Variants in KIAA1549L observed in about 807,000 individuals in gnomAD.
KIAA1549L encodes KIAA1549 like.
Under a neutral mutation model 160.7 loss-of-function variants are expected in KIAA1549L, and 88 were observed. The ratio of observed to expected loss-of-function variants is 0.55; its 90% confidence interval spans 0.46 to 0.65. KIAA1549L has a LOEUF of 0.65. Among genes scored for constraint, KIAA1549L ranks in the 30% least tolerant of loss-of-function variants. The pLI is 0.00. For synonymous variants in KIAA1549L, 950 were observed against 976.7 expected (o/e 0.97, Z 0.51); for missense variants, 2,258 against 2,437.5 (o/e 0.93, Z 1.55).
chr11:33,382,913 G>A (rs537843031), intron 1 of KIAA1549L, among the ~76,000 whole-genome samples: 61 of 151,818 alleles, frequency 4.0e-4, no homozygotes, highest in African/African-American at 1.5e-3. Flanking sequence ...CAGGGAGAAG[G>A]GGGACAAGCA....
At chr11:33,630,504 C>T (rs1463358715) in intron 16 of KIAA1549L, among the ~76,000 whole-genome samples, 2 of 152,356 alleles carry the variant, frequency 1.3e-5, no homozygotes, top group Middle Eastern at 3.4e-3. Context: ...TTAAGCCTGT[C>T]GGAAAAGCGC....
intron 1 of KIAA1549L, among the ~76,000 whole-genome samples, chr11:33,495,551 A>C (rs1852797473): frequency 6.6e-6 from 1 of 152,080 alleles, no homozygotes; most frequent in Non-Finnish European, 1.5e-5. Flanking sequence ...GTTGGTTCCA[A>C]GTCTTTGCTA....
chr11:33,388,640 A>T (rs1318846364), intron 1 of KIAA1549L, among the ~76,000 whole-genome samples: 1 of 152,168 alleles, frequency 6.6e-6, no homozygotes, highest in Non-Finnish European at 1.5e-5. Flanking sequence ...CCCTCTTTCC[A>T]TGCTAACTAA....
intron 17 of KIAA1549L, among the ~76,000 whole-genome samples, chr11:33,646,429 G>A (rs974504657): frequency 6.6e-5 from 10 of 152,188 alleles, no homozygotes; most frequent in East Asian, 3.8e-4. Flanking sequence ...TGGTTTAAGC[G>A]CACAGGCTTT....
chr11:33,416,593 G>C (rs1441992932), intron 1 of KIAA1549L, among the ~76,000 whole-genome samples: 1 of 152,132 alleles, frequency 6.6e-6, no homozygotes, highest in African/African-American at 2.4e-5. Context: ...CCATATGGGA[G>C]GATGTGTGTA....
chr11:33,456,702 G>A (rs537785049), intron 1 of KIAA1549L, among the ~76,000 whole-genome samples: 30 of 152,280 alleles, frequency 2.0e-4, no homozygotes, highest in Admixed American at 1.9e-3. Flanking sequence ...GTGAGCCATT[G>A]TGCCCAGCCT....
chr11:33,494,372 A>G (rs1477961250), intron 1 of KIAA1549L, among the ~76,000 whole-genome samples: 1 of 152,210 alleles, frequency 6.6e-6, no homozygotes, highest in Non-Finnish European at 1.5e-5. Flanking sequence ...CCACCAACAC[A>G]GAGTGGGGAT....
intron 16 of KIAA1549L, among the ~76,000 whole-genome samples, chr11:33,629,730 C>T (rs1171348075): frequency 6.3e-4 from 94 of 148,296 alleles, no homozygotes; most frequent in Middle Eastern, 3.4e-3. Flanking sequence ...GCCTTTGGTT[C>T]GAATGTCCTC....
At chr11:33,609,615 G>A in intron 14 of KIAA1549L, 134 bp from the exon 15 acceptor site, 1 of 660,908 alleles carries the variant, frequency 1.5e-6, no homozygotes, top group South Asian at 1.8e-5. Flanking sequence ...GGATGCAGGT[G>A]GGCCTGGCTA....
At chr11:33,534,315 C>A (rs1223284098) in intron 1 of KIAA1549L, among the ~76,000 whole-genome samples, 1 of 151,316 alleles carries the variant, frequency 6.6e-6, no homozygotes, top group African/African-American at 2.4e-5. Flanking sequence ...TGGTCTTGAA[C>A]CCCTAACCTC....
At position 33,671,614 on chromosome 11, in the gene KIAA1549L, A is replaced by ACACACACACACACACACC. The variant is rs1392009671; in HGVS notation, c.*3463_*3464insACACACACACACACCCAC. The ACACACACACACACACACC allele has an allele frequency of 4.0e-5, 6 of 151,744 alleles. No individual in the cohort carries two copies. The highest frequency in any genetic ancestry group is 8.8e-5 in the Non-Finnish European group (6 of 67,872). The allele number at this position is 151,744 out of a possible 1,614,324, so 9.4% of individuals were successfully genotyped here. A position where few individuals can be genotyped will look rare whatever the true frequency, so the allele number is the denominator to read the frequency against. On this transcript the variant is annotated 3_prime_UTR_variant, in exon 21 of 21. Coordinates refer to ENST00000658780, the MANE Select transcript of KIAA1549L (RefSeq NM_012194.3). Reference sequence around the variant, plus strand: ...CACACACACACACACACACACACACACACCCTACTTCGGAGAGAGAATGTA... The same window carrying ACACACACACACACACACC: ...CACACACACACACACACACACACACACACACACACACACACACCCACCCTACTTCGGAGAGAGAATGTA...
chr11:33,624,917 C>T (rs1851059087), intron 16 of KIAA1549L, among the ~76,000 whole-genome samples: 1 of 119,318 alleles, frequency 8.4e-6, no homozygotes, highest in Non-Finnish European at 1.7e-5. Context: ...CCTCCCCCCA[C>T]CCCACAACAG....
chr11:33,427,865 A>G (rs944108346), intron 1 of KIAA1549L, among the ~76,000 whole-genome samples: 1 of 152,350 alleles, frequency 6.6e-6, no homozygotes, highest in Admixed American at 6.5e-5. Context: ...ATTTTATATA[A>G]TTAGAGCCAT....
chr11:33,539,601 T>C (rs1488971722), intron 1 of KIAA1549L, among the ~76,000 whole-genome samples: 1 of 152,248 alleles, frequency 6.6e-6, no homozygotes, highest in African/African-American at 2.4e-5. Context: ...TTTCTTTGCC[T>C]CCTCCTTCTG....
intron 1 of KIAA1549L, among the ~76,000 whole-genome samples, chr11:33,435,579 G>GT (rs1353379959): frequency 6.6e-6 from 1 of 150,626 alleles, no homozygotes; most frequent in African/African-American, 2.4e-5. Context: ...ATATTTTATG[G>GT]TTTTTCTATA....
chr11:33,492,374 C>A (rs1018517452), intron 1 of KIAA1549L, among the ~76,000 whole-genome samples: 1 of 152,044 alleles, frequency 6.6e-6, no homozygotes, highest in African/African-American at 2.4e-5. Flanking sequence ...CTCAAAAAAA[C>A]CCCAAAAAGA....
intron 15 of KIAA1549L, among the ~76,000 whole-genome samples, chr11:33,614,564 ATATATATATATATATATATATTTTT>A (rs1850747350): frequency 1.5e-4 from 2 of 13,474 alleles, no homozygotes; most frequent in African/African-American, 1.3e-3. Flanking sequence ...ATATATATAT[ATATATATATATATATATATATTTTT>A]TTTTTTTTTT....
intron 1 of KIAA1549L, among the ~76,000 whole-genome samples, chr11:33,390,509 A>G (rs936250724): frequency 6.6e-6 from 1 of 152,210 alleles, no homozygotes; most frequent in South Asian, 2.1e-4. Flanking sequence ...CCAGTTCCAC[A>G]TTCCCATGAG....
At chr11:33,555,223 A>G (rs1854608322) in intron 6 of KIAA1549L, among the ~76,000 whole-genome samples, 1 of 146,872 alleles carries the variant, frequency 6.8e-6, no homozygotes, top group African/African-American at 2.6e-5. Flanking sequence ...CTTTATATTG[A>G]TTGTTACTAC....
Sources: gnomAD v4.1 joint callset for allele counts (sites outside exome capture counted in the v4.1 genomes callset) on GRCh38, gnomAD v4.1.1 for gene constraint, MANE v1.5 for transcripts, NCBI Gene and HGNC (gene_info 2026-07-23, HGNC 2026-07-21) for gene names.